The following DNER variants were observed in gnomAD, a reference collection of about 807,000 sequenced individuals.
DNER encodes delta/notch like EGF repeat containing, also known as delta and Notch-like epidermal growth factor-related receptor.
DNER carries 33 observed loss-of-function variants against 78.2 expected under a neutral mutation model. The ratio of observed to expected loss-of-function variants is 0.42; its 90% CI spans 0.32 to 0.56. DNER has a LOEUF of 0.56. Among genes scored for constraint, DNER ranks in the 20% least tolerant of loss-of-function variants. DNER has a pLI of 0.11. For missense variants in DNER, 918 were observed against 975.3 expected (o/e 0.94, Z 0.78); for synonymous variants, 417 against 384.8 (o/e 1.08, Z -0.98).
intron 10 of DNER, among the ~76,000 whole-genome samples, chr2:229,391,583 C>T (rs376514265): frequency 1.3e-5 from 2 of 152,034 alleles, no homozygotes; most frequent in East Asian, 1.9e-4. Flanking sequence ...ACTCTATCAC[C>T]CAGGCTTGAG....
rs767993185 is a variant in DNER at position 229,447,313 on chromosome 2, C to T, written c.1486+3G>A. 1.6e-5 allele frequency: 26 copies of T among 1,593,642 alleles called. 2 individuals are homozygous for T. In the South Asian group the frequency reaches 3.0e-4, roughly 18 times the overall value. ...AGATGTACTGTGTAGGGGCGGTACCCACCTGGATCACAGAGGCATTTGTAG... is the reference window on the plus strand; with the variant it reads ...AGATGTACTGTGTAGGGGCGGTACCTACCTGGATCACAGAGGCATTTGTAG... On this transcript the variant is annotated splice_donor_region_variant and intron_variant, in intron 8 of 12. Transcript: ENST00000341772.
chr2:229,589,332 C>A (rs1025608420), intron 2 of DNER, among the ~76,000 whole-genome samples: 1 of 152,212 alleles, frequency 6.6e-6, no homozygotes, highest in Non-Finnish European at 1.5e-5. Context: ...ATCTTATTTT[C>A]CAGAATGCCC....
chr2:229,365,119 G>A (rs940177105), intron 12 of DNER, among the ~76,000 whole-genome samples: 1 of 152,092 alleles, frequency 6.6e-6, no homozygotes, highest in African/African-American at 2.4e-5. Context: ...TTCCCAATAT[G>A]TACCTAGTAA....
intron 10 of DNER, among the ~76,000 whole-genome samples, chr2:229,396,661 A>G (rs1289697005): frequency 2.6e-5 from 4 of 152,190 alleles, no homozygotes; most frequent in Non-Finnish European, 5.9e-5. Flanking sequence ...GAAAATGCAA[A>G]CTAATAAGGA....
chr2:229,434,952 GCA>G (rs373238849), intron 8 of DNER, among the ~76,000 whole-genome samples: 14 of 144,968 alleles, frequency 9.7e-5, no homozygotes, highest in Admixed American at 2.1e-4. Flanking sequence ...ACACACACGT[GCA>G]CACACACACA....
At chr2:229,550,212 C>G (rs879411934) in intron 4 of DNER, among the ~76,000 whole-genome samples, 1 of 151,710 alleles carries the variant, frequency 6.6e-6, no homozygotes, top group East Asian at 2.0e-4. Flanking sequence ...AGGCTGTTCT[C>G]GAACTCCTGG....
At chr2:229,644,183 T>A (rs575549874) in intron 1 of DNER, among the ~76,000 whole-genome samples, 1 of 152,090 alleles carries the variant, frequency 6.6e-6, no homozygotes, top group Non-Finnish European at 1.5e-5. Context: ...TAGTTGTATA[T>A]ATTTATGAGG....
intron 6 of DNER, among the ~76,000 whole-genome samples, chr2:229,507,545 A>G (rs1328163691): frequency 6.6e-6 from 1 of 152,260 alleles, no homozygotes; most frequent in Non-Finnish European, 1.5e-5. Flanking sequence ...CAGTGCAGAA[A>G]TGCTGAGAAG....
At chr2:229,390,559 A>G (rs766664302) in intron 10 of DNER, among the ~76,000 whole-genome samples, 4 of 152,210 alleles carry the variant, frequency 2.6e-5, no homozygotes, top group Non-Finnish European at 4.4e-5. Flanking sequence ...ACTAGATTGG[A>G]CGGATTTGGT....
intron 11 of DNER, among the ~76,000 whole-genome samples, chr2:229,374,931 G>A (rs528464688): frequency 6.6e-6 from 1 of 152,112 alleles, no homozygotes; most frequent in Non-Finnish European, 1.5e-5. Flanking sequence ...ACTTACTGTG[G>A]GTTGCACTCA....
chr2:229,662,959 G>A (rs1166740600), intron 1 of DNER, among the ~76,000 whole-genome samples: 1 of 152,222 alleles, frequency 6.6e-6, no homozygotes, highest in Non-Finnish European at 1.5e-5. Context: ...TATGTAGCAT[G>A]AGACAGCTGG....
chr2:229,370,220 A>G (rs1280722348), intron 11 of DNER, among the ~76,000 whole-genome samples: 4 of 152,202 alleles, frequency 2.6e-5, no homozygotes, highest in Non-Finnish European at 5.9e-5. Context: ...CCAGGCCTGC[A>G]GACCCACTTT....
intron 1 of DNER, among the ~76,000 whole-genome samples, chr2:229,639,910 C>A (rs187366356): frequency 3.9e-5 from 6 of 152,288 alleles, no homozygotes; most frequent in Admixed American, 2.6e-4. Context: ...ACCCAGAATG[C>A]AAGCTCTGGC....
At chr2:229,373,810 G>A (rs575379865) in intron 11 of DNER, among the ~76,000 whole-genome samples, 2 of 152,274 alleles carry the variant, frequency 1.3e-5, no homozygotes, top group South Asian at 4.2e-4. Context: ...GCAGTTGAAG[G>A]CCATTATCCT....
intron 3 of DNER, chr2:229,586,606 C>A: frequency 1.0e-6 from 1 of 979,952 alleles, no homozygotes; most frequent in Non-Finnish European, 1.2e-6. Flanking sequence ...TCAACCCCAA[C>A]CCCAACCCCA....
At position 229,714,371 on chromosome 2, in the gene DNER, G is replaced by A. The variant is rs1032811251; in HGVS notation, c.53C>T (p.Ala18Val). Residue 18 changes from alanine to valine, a missense_variant, in exon 1 of 13, where the codon GCC (alanine) becomes GTC (valine). Coordinates refer to ENST00000341772, the MANE Select transcript of DNER (RefSeq NM_139072.4). ...APGAQLLPAL[A>V]LLLLLLGAGP... ...CGCTCCGAGCAGCAGCAGCAGCAGG[G>A]CCAGCGCGGGCAGCAGCTGCGCACC... The A allele has an allele frequency of 6.6e-6, 8 of 1,217,958 alleles. No homozygotes were observed. In the African/African-American group the frequency reaches 9.5e-5, roughly 14 times the overall value. The allele number at this position is 1,217,958 out of a possible 1,614,324, so 75.4% of individuals were successfully genotyped here.
At chr2:229,422,033 T>A (rs1259141994) in intron 8 of DNER, among the ~76,000 whole-genome samples, 1 of 152,160 alleles carries the variant, frequency 6.6e-6, no homozygotes, top group Non-Finnish European at 1.5e-5. Flanking sequence ...CAGAGATAAT[T>A]AAGCTGGTGA....
chr2:229,388,259 A>G lies in DNER; in HGVS notation c.1855+6T>C. 1 of 1,605,328 alleles carries G rather than the reference A, an allele frequency of 6.2e-7. No homozygotes were observed. The highest frequency in any genetic ancestry group is 8.5e-7 in the Non-Finnish European group (1 of 1,175,876). Reference sequence around the variant, plus strand: ...ATAACAGTGGCTGAGCTGCAGAAATACTTACGGATCTCACAGTTTGCTCCC... The same window carrying G: ...ATAACAGTGGCTGAGCTGCAGAAATGCTTACGGATCTCACAGTTTGCTCCC... On this transcript the variant is annotated splice_donor_region_variant and intron_variant, in intron 11 of 12. Coordinates refer to ENST00000341772, the MANE Select transcript of DNER (RefSeq NM_139072.4).
chr2:229,665,222 G>A lies in DNER; in HGVS notation c.276+48926C>T, dbSNP rs563361185. 1.1e-4 allele frequency among the ~76,000 whole-genome samples: 17 copies of A among 152,208 alleles called. No homozygotes were observed. In the South Asian group the frequency reaches 3.5e-3, roughly 32 times the overall value. Reference sequence around the variant, plus strand: ...TCCAGATCCTCAGGAAAGTCATTAAGGTAAGAAAATGAATTCAAGACAACA... The same window carrying A: ...TCCAGATCCTCAGGAAAGTCATTAAAGTAAGAAAATGAATTCAAGACAACA... On this transcript the variant is annotated intron_variant, in intron 1 of 12. Coordinates refer to ENST00000341772, the MANE Select transcript of DNER (RefSeq NM_139072.4).
Sources: allele counts gnomAD v4.1 joint callset (sites outside exome capture counted in the v4.1 genomes callset), GRCh38; gene constraint gnomAD v4.1.1; transcripts MANE v1.5; gene names NCBI Gene and HGNC (gene_info 2026-07-23, HGNC 2026-07-21).